Variants in TBC1D22A observed in about 807,000 individuals in gnomAD.
The protein encoded by TBC1D22A is TBC1 domain family member 22A, also known as putative GTPase activator.
Under a neutral mutation model 60.2 loss-of-function variants are expected in TBC1D22A, and 38 were observed. The observed-to-expected ratio is 0.63, with a 90% CI of 0.49 to 0.83. The LOEUF is 0.83. Among genes scored for constraint, TBC1D22A ranks in the 40% least tolerant of loss-of-function variants. The pLI, the probability that TBC1D22A is intolerant of heterozygous loss-of-function variation, is 0.00. For missense variants in TBC1D22A, 628 were observed against 701.0 expected, an observed-to-expected ratio of 0.90 and a Z score of 1.18; for synonymous variants, 302 against 281.7, an observed-to-expected ratio of 1.07 and a Z score of -0.72.
intron 4 of TBC1D22A, among the ~76,000 whole-genome samples, chr22:46,867,058 C>T (rs1434888604): frequency 6.6e-6 from 1 of 152,218 alleles, no homozygotes; most frequent in African/African-American, 2.4e-5. Flanking sequence ...TATTCTCCAG[C>T]TGAAATTCTC....
intron 4 of TBC1D22A, among the ~76,000 whole-genome samples, chr22:46,800,496 G>A (rs374527091): frequency 6.6e-6 from 1 of 152,138 alleles, no homozygotes; most frequent in South Asian, 2.1e-4. Flanking sequence ...TCAGAACCAC[G>A]TTGCACCTGG....
intron 8 of TBC1D22A, among the ~76,000 whole-genome samples, chr22:46,960,986 G>T (rs1451318892): frequency 7.1e-6 from 1 of 140,350 alleles, no homozygotes; most frequent in Non-Finnish European, 1.5e-5. Context: ...AAGATACCCA[G>T]TCCGTAGCTA....
At chr22:46,836,097 G>T (rs2086506345) in intron 4 of TBC1D22A, among the ~76,000 whole-genome samples, 1 of 152,128 alleles carries the variant, frequency 6.6e-6, no homozygotes, top group Admixed American at 6.5e-5. Context: ...GAAATGAAAG[G>T]ATGTTAATTA....
intron 7 of TBC1D22A, among the ~76,000 whole-genome samples, chr22:46,899,645 C>T (rs1159025740): frequency 6.6e-6 from 1 of 152,154 alleles, no homozygotes; most frequent in Non-Finnish European, 1.5e-5. Flanking sequence ...CCTCTATATG[C>T]TTGGCTTTGA....
chr22:46,915,711 A>G (rs1235949118), intron 8 of TBC1D22A: 1 of 456,654 alleles, frequency 2.2e-6, no homozygotes, highest in South Asian at 1.5e-5. Context: ...GTGATGCCTG[A>G]GTGGGAGCTG....
chr22:46,801,486 TA>T (rs2146960339), intron 4 of TBC1D22A, among the ~76,000 whole-genome samples: 1 of 152,362 alleles, frequency 6.6e-6, no homozygotes, highest in South Asian at 2.1e-4. Flanking sequence ...AAGTAGCAAA[TA>T]GAACTTAATA....
At chr22:46,807,241 G>A (rs2085183740) in intron 4 of TBC1D22A, among the ~76,000 whole-genome samples, 1 of 152,288 alleles carries the variant, frequency 6.6e-6, no homozygotes, top group African/African-American at 2.4e-5. Flanking sequence ...CAGGGCTTCA[G>A]GGATTAGTGT....
intron 1 of TBC1D22A, among the ~76,000 whole-genome samples, chr22:46,780,400 C>G (rs1459408735): frequency 6.6e-6 from 1 of 152,106 alleles, no homozygotes; most frequent in Non-Finnish European, 1.5e-5. Flanking sequence ...CCCTGTTTCC[C>G]TCACTGCTAT....
intron 9 of TBC1D22A, among the ~76,000 whole-genome samples, chr22:46,980,340 A>T (rs1176875946): frequency 6.6e-6 from 1 of 151,996 alleles, no homozygotes; most frequent in Non-Finnish European, 1.5e-5. Context: ...CCACCACCAC[A>T]CCCAGCTAAT....
chr22:46,806,341 A>ATTTTTT (rs34490073), intron 4 of TBC1D22A, among the ~76,000 whole-genome samples: 1 of 132,598 alleles, frequency 7.5e-6, no homozygotes, highest in Non-Finnish European at 1.6e-5. Context: ...CTCTGTTCTG[A>ATTTTTT]TTTTTTTTTT....
intron 4 of TBC1D22A, among the ~76,000 whole-genome samples, chr22:46,839,994 C>T (rs2086682527): frequency 6.6e-6 from 1 of 152,132 alleles, no homozygotes; most frequent in African/African-American, 2.4e-5. Flanking sequence ...TGTAAAACTA[C>T]TGGAAGAAAA....
chr22:46,874,296 A>T (rs1381250509), intron 4 of TBC1D22A, among the ~76,000 whole-genome samples: 1 of 152,114 alleles, frequency 6.6e-6, no homozygotes, highest in Non-Finnish European at 1.5e-5. Context: ...TTGGGTATAT[A>T]CCCAGTAATG....
intron 9 of TBC1D22A, among the ~76,000 whole-genome samples, chr22:46,989,385 C>CT (rs1039753600): frequency 3.1e-4 from 47 of 152,196 alleles, no homozygotes; most frequent in Non-Finnish European, 6.8e-4. Context: ...CTTGTCTCAG[C>CT]TTTTTGCATG....
At chr22:47,172,412 G>A (rs563910145) in intron 12 of TBC1D22A, among the ~76,000 whole-genome samples, 1 of 152,358 alleles carries the variant, frequency 6.6e-6, no homozygotes, top group African/African-American at 2.4e-5. Context: ...GGAGAATGAA[G>A]GGTACAGGAG....
At chr22:46,939,469 G>C (rs2071857261) in intron 8 of TBC1D22A, among the ~76,000 whole-genome samples, 1 of 152,186 alleles carries the variant, frequency 6.6e-6, no homozygotes, top group African/African-American at 2.4e-5. Flanking sequence ...AAACAGATAA[G>C]TGACAGTATT....
intron 9 of TBC1D22A, among the ~76,000 whole-genome samples, chr22:46,992,318 G>C (rs556509983): frequency 2.0e-5 from 3 of 152,390 alleles, no homozygotes; most frequent in African/African-American, 7.2e-5. Context: ...CCGAAACGTT[G>C]CCTGCTGGGG....
intron 11 of TBC1D22A, among the ~76,000 whole-genome samples, chr22:47,103,346 C>T (rs1001797352): frequency 7.2e-5 from 11 of 152,168 alleles, no homozygotes; most frequent in African/African-American, 2.7e-4. Context: ...GGAGACAGCC[C>T]ACTGCCTGGG....
chr22:46,915,138 T>C, intron 8 of TBC1D22A: 1 of 327,946 alleles, frequency 3.0e-6, no homozygotes, highest in Non-Finnish European at 6.1e-6. Flanking sequence ...GTCCCAGGGG[T>C]GTGCGAAACC....
intron 1 of TBC1D22A, among the ~76,000 whole-genome samples, chr22:46,781,747 C>G (rs1366666738): frequency 6.6e-6 from 1 of 152,214 alleles, no homozygotes; most frequent in African/African-American, 2.4e-5. Flanking sequence ...CACATTGTTC[C>G]ACTTTCACCT....
Sources: allele counts gnomAD v4.1 joint callset (sites outside exome capture counted in the v4.1 genomes callset), GRCh38; gene constraint gnomAD v4.1.1; transcripts MANE v1.5; gene names NCBI Gene and HGNC (gene_info 2026-07-23, HGNC 2026-07-21).